The following SEMA5A variants were observed in gnomAD, a reference collection of about 807,000 sequenced individuals.
SEMA5A encodes semaphorin 5A, also known as semaphorin-5A.
SEMA5A carries 55 observed loss-of-function variants against 135.5 expected under a neutral mutation model. That is an observed-to-expected ratio of 0.41 (90% confidence interval 0.33 to 0.51). The LOEUF is 0.51. Among genes scored for constraint, SEMA5A ranks in the 20% least tolerant of loss-of-function variants. SEMA5A has a pLI of 0.37. For synonymous variants in SEMA5A, 580 were observed against 546.5 expected (o/e 1.06, Z -0.85); for missense variants, 1,290 against 1,419.9 (o/e 0.91, Z 1.47).
intron 5 of SEMA5A, among the ~76,000 whole-genome samples, chr5:9,301,182 C>T (rs1751594049): frequency 1.3e-5 from 2 of 152,078 alleles, no homozygotes; most frequent in South Asian, 4.1e-4. Context: ...CTTCCTTCAC[C>T]AAAGGTAATG....
chr5:9,128,774 C>T (rs1741249214), intron 13 of SEMA5A, among the ~76,000 whole-genome samples: 1 of 152,200 alleles, frequency 6.6e-6, no homozygotes. Flanking sequence ...TAATCTGAAG[C>T]ACTGGTCTTC....
Position 9,401,509 on chromosome 5 carries a change from G to A in SEMA5A, c.-77-21486C>T, listed in dbSNP as rs538168463. On this transcript the variant is annotated intron_variant, in intron 2 of 22. Coordinates refer to ENST00000382496, the MANE Select transcript of SEMA5A (RefSeq NM_003966.3). Reference sequence around the variant, plus strand: ...GCAATTACAATGACTCAGCATCCCCGTGTGGTCCTCTTCTCAGCTCCTAAA... The same window carrying A: ...GCAATTACAATGACTCAGCATCCCCATGTGGTCCTCTTCTCAGCTCCTAAA... Among the ~76,000 whole-genome samples, 10 of 152,252 alleles carry A rather than the reference G, an allele frequency of 6.6e-5. No individual in the cohort carries two copies. The Middle Eastern group carries it at 0.01, about 155-fold the overall frequency.
At chr5:9,322,445 A>T (rs1407659806) in intron 4 of SEMA5A, among the ~76,000 whole-genome samples, 7 of 152,140 alleles carry the variant, frequency 4.6e-5, no homozygotes, top group Admixed American at 4.6e-4. Context: ...CATCACCAGC[A>T]CCAGCACCAT....
chr5:9,430,639 G>A (rs899197071), intron 2 of SEMA5A, among the ~76,000 whole-genome samples: 2 of 152,136 alleles, frequency 1.3e-5, no homozygotes, highest in Non-Finnish European at 2.9e-5. Context: ...GGGAGGGGTC[G>A]ATGGTATAAA....
intron 12 of SEMA5A, among the ~76,000 whole-genome samples, chr5:9,147,516 C>T (rs564512054): frequency 2.6e-5 from 4 of 152,132 alleles, no homozygotes; most frequent in South Asian, 2.1e-4. Context: ...TTGATCCACC[C>T]GGGTCAGCCT....
intron 6 of SEMA5A, among the ~76,000 whole-genome samples, chr5:9,231,230 G>A (rs925476152): frequency 6.6e-6 from 1 of 152,040 alleles, no homozygotes; most frequent in African/African-American, 2.4e-5. Context: ...ACTTTGGAAC[G>A]CCAAGGCAGG....
intron 1 of SEMA5A, among the ~76,000 whole-genome samples, chr5:9,451,153 T>G (rs1437415732): frequency 1.3e-5 from 2 of 152,204 alleles, no homozygotes; most frequent in African/African-American, 2.4e-5. Context: ...CTCATCTATA[T>G]CCTCTCTCAG....
chr5:9,455,381 G>C (rs906758548), intron 1 of SEMA5A, among the ~76,000 whole-genome samples: 3 of 151,676 alleles, frequency 2.0e-5, no homozygotes, highest in East Asian at 1.9e-4. Flanking sequence ...CCAGCCTCCC[G>C]AGTAGCTGGG....
intron 10 of SEMA5A, among the ~76,000 whole-genome samples, chr5:9,190,867 A>G (rs1446698480): frequency 1.3e-5 from 2 of 152,224 alleles, no homozygotes; most frequent in Non-Finnish European, 2.9e-5. Context: ...AAATGCAACA[A>G]TCAAGGATCT....
At chr5:9,333,914 G>C (rs891143784) in intron 4 of SEMA5A, among the ~76,000 whole-genome samples, 4 of 151,958 alleles carry the variant, frequency 2.6e-5, no homozygotes, top group African/African-American at 9.7e-5. Flanking sequence ...CTTTTAAAGA[G>C]ACTGGGGGAA....
At chr5:9,374,950 C>A (rs1471961864) in intron 3 of SEMA5A, among the ~76,000 whole-genome samples, 2 of 152,100 alleles carry the variant, frequency 1.3e-5, no homozygotes, top group Non-Finnish European at 2.9e-5. Context: ...CTTAAACAAT[C>A]ATCTCCCCTC....
chr5:9,443,324 T>C (rs561820301), intron 1 of SEMA5A, among the ~76,000 whole-genome samples: 60 of 150,532 alleles, frequency 4.0e-4, no homozygotes, highest in African/African-American at 1.4e-3. Context: ...GCAAAAGTTA[T>C]AGGGAAGAAA....
At chr5:9,122,532 A>G in intron 14 of SEMA5A, 124 bp downstream of exon 14, 2 of 952,884 alleles carry the variant, frequency 2.1e-6, no homozygotes, top group South Asian at 4.2e-5. Flanking sequence ...TAAATGGTGA[A>G]TGTCCCTGGT....
chr5:9,222,731 TC>T (rs1392934611), intron 8 of SEMA5A, among the ~76,000 whole-genome samples: 1 of 152,258 alleles, frequency 6.6e-6, no homozygotes, highest in South Asian at 2.1e-4. Context: ...TTTTAGCTCT[TC>T]CATTGCCTGG....
rs113319079 is a variant in SEMA5A at position 9,341,205 on chromosome 5, T to TACACACAC, written c.125-3401_125-3394dup. On this transcript the variant is annotated intron_variant, in intron 3 of 22. Coordinates refer to ENST00000382496, the MANE Select transcript of SEMA5A (RefSeq NM_003966.3). Reference sequence around the variant, plus strand: ...ACACATACAAACACACACACACACATACACACACACACACACACACATACA... The same window carrying TACACACAC: ...ACACATACAAACACACACACACACATACACACACACACACACACACACACACACATACA... 1.5e-3 allele frequency among the ~76,000 whole-genome samples: 212 copies of TACACACAC among 144,614 alleles called. 1 individual carries two copies. The highest frequency in any genetic ancestry group is 4.8e-3 in the African/African-American group (193 of 39,834). The allele number at this position is 144,614 out of a possible 152,430, so 94.9% of individuals were successfully genotyped here. A position where few individuals can be genotyped will look rare whatever the true frequency, so the allele number is the denominator to read the frequency against.
chr5:9,233,538 A>C (rs1347523559), intron 6 of SEMA5A, among the ~76,000 whole-genome samples: 1 of 151,968 alleles, frequency 6.6e-6, no homozygotes, highest in South Asian at 2.1e-4. Context: ...GGAGCTGAAC[A>C]TTTTCTAAAT....
At chr5:9,480,816 G>T (rs1308423993) in intron 1 of SEMA5A, among the ~76,000 whole-genome samples, 1 of 152,172 alleles carries the variant, frequency 6.6e-6, no homozygotes, top group African/African-American at 2.4e-5. Context: ...TCCAGAGCAA[G>T]ACAGGGATGA....
chr5:9,464,948 C>G (rs2126738232), intron 1 of SEMA5A, among the ~76,000 whole-genome samples: 1 of 152,322 alleles, frequency 6.6e-6, no homozygotes, highest in East Asian at 1.9e-4. Context: ...GTGTGCGGAC[C>G]TGTGGCTCGT....
intron 16 of SEMA5A, among the ~76,000 whole-genome samples, chr5:9,092,349 G>C (rs1015986955): frequency 6.6e-6 from 1 of 152,166 alleles, no homozygotes; most frequent in Non-Finnish European, 1.5e-5. Context: ...ATTGGAATTC[G>C]CACCATTTTA....
Sources: allele counts gnomAD v4.1 joint callset (sites outside exome capture counted in the v4.1 genomes callset), GRCh38; gene constraint gnomAD v4.1.1; transcripts MANE v1.5; gene names NCBI Gene and HGNC (gene_info 2026-07-23, HGNC 2026-07-21).